The following RNASEH2B variants were observed in gnomAD, a reference collection of about 807,000 sequenced individuals.
The protein encoded by RNASEH2B is ribonuclease H2 subunit B, also known as Aicardi-Goutieres syndrome 2 protein.
A neutral mutation model predicts 45.0 loss-of-function variants in RNASEH2B; 36 were observed. The ratio of observed to expected loss-of-function variants is 0.80; its 90% CI spans 0.61 to 1.06. The LOEUF is 1.06. Among genes scored for constraint, RNASEH2B ranks in the 50% least tolerant of loss-of-function variants. The pLI is 0.00. For synonymous variants in RNASEH2B, 119 were observed against 125.7 expected, an observed-to-expected ratio of 0.95 and a Z score of 0.35; for missense variants, 361 against 360.3, an observed-to-expected ratio of 1.00 and a Z score of -0.02.
At chr13:50,945,903 C>T (rs1951895081) in intron 7 of RNASEH2B, among the ~76,000 whole-genome samples, 1 of 152,040 alleles carries the variant, frequency 6.6e-6, no homozygotes, top group Non-Finnish European at 1.5e-5. Context: ...ATCTTGAGGC[C>T]CTGTGCAAAG....
At chr13:50,937,378 C>T (rs1951768336) in intron 5 of RNASEH2B, 1 of 152,060 alleles carries the variant, frequency 6.6e-6, no homozygotes, top group Non-Finnish European at 1.5e-5. Flanking sequence ...CAAGCCACCA[C>T]ACCTGGCTAA....
intron 2 of RNASEH2B, among the ~76,000 whole-genome samples, chr13:50,929,235 A>G (rs1329126492): frequency 6.6e-6 from 1 of 152,210 alleles, no homozygotes; most frequent in Non-Finnish European, 1.5e-5. Context: ...GTTAAGATAA[A>G]TGACTTGCAC....
At chr13:50,915,725 C>A (rs183578316) in intron 1 of RNASEH2B, among the ~76,000 whole-genome samples, 377 of 152,326 alleles carry the variant, frequency 2.5e-3, no homozygotes, top group Admixed American at 4.4e-3. Context: ...ACCTTTATGA[C>A]TTCCTTGTCT....
chr13:50,969,522 C>CAA (rs3042194), intron 9 of RNASEH2B, among the ~76,000 whole-genome samples: 36,784 of 100,138 alleles, frequency 0.37, 5,597 homozygotes, highest in African/African-American at 0.45. Context: ...ACTGCCTCTA[C>CAA]AAAAAAAAAA....
chr13:50,935,053 G>T (rs1401122746), intron 5 of RNASEH2B, 54 bp downstream of exon 5: 3 of 1,132,306 alleles, frequency 2.6e-6, no homozygotes, highest in Non-Finnish European at 4.0e-6. Context: ...CCTTGCCTAA[G>T]AACGTGGCTG....
chr13:50,923,233 TGAGAA>T (rs1951547308), intron 1 of RNASEH2B, among the ~76,000 whole-genome samples: 1 of 152,096 alleles, frequency 6.6e-6, no homozygotes, highest in African/African-American at 2.4e-5. Context: ...GAATCCCAGA[TGAGAA>T]GAGAAGGGTG....
At chr13:50,947,743 A>G (rs1951921914) in intron 7 of RNASEH2B, among the ~76,000 whole-genome samples, 1 of 152,034 alleles carries the variant, frequency 6.6e-6, no homozygotes, top group African/African-American at 2.4e-5. Flanking sequence ...ACTGTATTAT[A>G]CTTGTTTTAT....
downstream of RNASEH2B, among the ~76,000 whole-genome samples, chr13:50,957,587 A>T (rs1952068120): frequency 6.6e-6 from 1 of 152,094 alleles, no homozygotes; most frequent in Admixed American, 6.6e-5. Context: ...TTTTTGGTAG[A>T]ATAATTTATT....
intron 6 of RNASEH2B, 91 bp downstream of exon 6, chr13:50,943,485 C>A: frequency 1.1e-6 from 1 of 900,268 alleles, no homozygotes; most frequent in Non-Finnish European, 1.9e-6. Context: ...AATCCAGAGA[C>A]CATCTTGTAT....
chr13:50,953,876 G>C, intron 9 of RNASEH2B, 29 bp from the exon 10 acceptor site: 1 of 1,456,636 alleles, frequency 6.9e-7, no homozygotes, highest in Non-Finnish European at 9.6e-7. Context: ...AGTGACATTT[G>C]ACACCACTTC....
At chr13:50,931,233 A>G (rs1951678060) in intron 4 of RNASEH2B, among the ~76,000 whole-genome samples, 1 of 152,176 alleles carries the variant, frequency 6.6e-6, no homozygotes, top group South Asian at 2.1e-4. Context: ...CCAGATGGAT[A>G]AAATTTACCT....
In RNASEH2B at chr13:50,934,870, T is replaced by C. The variant is rs2137952113; in HGVS notation, c.322-15T>C. 6.5e-7 allele frequency: 1 copy of C among 1,537,040 alleles called. No homozygotes were observed. Among genetic ancestry groups the C allele is most frequent in the East Asian group, 2.3e-5 (1 of 44,350 alleles). The stretch of plus-strand genomic sequence containing the variant: ...TTGAATGAAATGCTTGCTTTCCAAC[T>C]AACTGTTTTTTCAGGGGAAGTTTCA... On this transcript the variant is annotated splice_polypyrimidine_tract_variant and intron_variant, in intron 4 of 10. Coordinates refer to ENST00000336617, the MANE Select transcript of RNASEH2B (RefSeq NM_024570.4).
chr13:50,950,986 A>C (rs1002296712), intron 9 of RNASEH2B: 10 of 152,214 alleles, frequency 6.6e-5, no homozygotes, highest in Non-Finnish European at 1.3e-4. Context: ...CTGCTGTTGT[A>C]TTGTGAAAAC....
intron 5 of RNASEH2B, among the ~76,000 whole-genome samples, chr13:50,940,515 C>A (rs945635551): frequency 3.3e-5 from 5 of 152,200 alleles, no homozygotes; most frequent in African/African-American, 7.2e-5. Flanking sequence ...ATAATATTGG[C>A]TCCTTTTCTC....
At chr13:50,953,192 C>T (rs1320370134) in intron 9 of RNASEH2B, 1 of 152,170 alleles carries the variant, frequency 6.6e-6, no homozygotes, top group Non-Finnish European at 1.5e-5. Context: ...GGCATGATTT[C>T]TTCTATATTG....
chr13:50,939,681 G>A (rs567822247), intron 5 of RNASEH2B, among the ~76,000 whole-genome samples: 5 of 151,956 alleles, frequency 3.3e-5, no homozygotes, highest in South Asian at 4.2e-4. Flanking sequence ...GTGGGAAAAA[G>A]GATAGTCTTT....
chr13:50,917,309 C>T (rs899326732), intron 1 of RNASEH2B, among the ~76,000 whole-genome samples: 1 of 152,220 alleles, frequency 6.6e-6, no homozygotes, highest in Non-Finnish European at 1.5e-5. Context: ...TGGCCAGAAA[C>T]CTCAGCCACT....
At chr13:50,921,146 CAT>C (rs1566076493) in intron 1 of RNASEH2B, 1 of 152,220 alleles carries the variant, frequency 6.6e-6, no homozygotes, top group East Asian at 1.9e-4. Flanking sequence ...CTAACAGAAA[CAT>C]GTAAAATTAT....
chr13:50,947,913 G>A (rs555388110), intron 7 of RNASEH2B, 74 bp from the exon 8 acceptor site: 4 of 1,593,582 alleles, frequency 2.5e-6, no homozygotes, highest in Non-Finnish European at 3.4e-6. Flanking sequence ...TTGAATTCAG[G>A]TCAATTTGAC....
Sources: gnomAD v4.1 joint callset for allele counts (sites outside exome capture counted in the v4.1 genomes callset) on GRCh38, gnomAD v4.1.1 for gene constraint, MANE v1.5 for transcripts, NCBI Gene and HGNC (gene_info 2026-07-23, HGNC 2026-07-21) for gene names.